DOC2B: variants seen among roughly 807,000 people sequenced by gnomAD.
DOC2B encodes double C2-like domain-containing protein beta.
A neutral mutation model predicts 28.9 loss-of-function variants in DOC2B; 21 were observed. The observed-to-expected ratio is 0.73, with a 90% CI of 0.52 to 1.05. DOC2B has a LOEUF of 1.05. Ranked by LOEUF, DOC2B falls within the 50% of genes least tolerant of loss-of-function variation. The probability of loss-of-function intolerance (pLI) is 0.00; values close to 1 mark genes in which losing one functional copy is unlikely to be tolerated. For synonymous variants in DOC2B, 194 were observed against 178.1 expected (o/e 1.09, Z -0.71); for missense variants, 384 against 421.1 (o/e 0.91, Z 0.77).
At chr17:147,931 C>T (rs1253956060) in intron 8 of DOC2B, among the ~76,000 whole-genome samples, 1 of 152,206 alleles carries the variant, frequency 6.6e-6, no homozygotes, top group African/African-American at 2.4e-5. Context: ...CGAGGCACTG[C>T]CCATCATTGT....
chr17:151,703 G>A (rs1186835195), intron 6 of DOC2B, among the ~76,000 whole-genome samples: 2 of 152,188 alleles, frequency 1.3e-5, no homozygotes, highest in African/African-American at 4.8e-5. Context: ...GGTGACGGGT[G>A]AGGAGCAGGG....
In DOC2B at chr17:147,476, T is replaced by C; in HGVS notation, c.1204A>G (p.Thr402Ala). Residue 402 changes from threonine to alanine, a missense_variant, in exon 9 of 9, where the codon ACC (threonine) becomes GCC (alanine). Physicochemically the swap from Thr to Ala is moderately conservative, Grantham distance 58 (BLOSUM62 0). Transcript: ENST00000613549. ...AGCACAGCCCCTGGGAGCTCGCTGG[T>C]GAGCGTGTGCCAGCGCTCGATGCGC... ...DKRIERWHTL[T>A]SELPGAVLSD 1 of 398,782 alleles carries C rather than the reference T, an allele frequency of 2.5e-6. No homozygotes were observed. The highest frequency in any genetic ancestry group is 4.4e-6 in the Non-Finnish European group (1 of 226,156). The allele number at this position is 398,782 out of a possible 1,614,324, so 24.7% of individuals were successfully genotyped here. A position where few individuals can be genotyped will look rare whatever the true frequency, so the allele number is the denominator to read the frequency against.
intron 1 of DOC2B, among the ~76,000 whole-genome samples, chr17:176,633 G>T (rs887344774): frequency 2.0e-5 from 3 of 152,184 alleles, no homozygotes; most frequent in Non-Finnish European, 4.4e-5. Flanking sequence ...GAGAGTGGGG[G>T]CTCAGCCGCT....
intron 6 of DOC2B, 186 bp downstream of exon 6, chr17:156,034 C>G: frequency 3.2e-6 from 2 of 620,102 alleles, no homozygotes. Context: ...TCAGTTTCCC[C>G]ATCTGTGAAA....
In DOC2B at chr17:181,489, G is replaced by A; in HGVS notation, c.-10C>T. 2.0e-6 allele frequency: 2 copies of A among 1,025,440 alleles called. No homozygotes were observed. The highest frequency in any genetic ancestry group is 2.3e-6 in the Non-Finnish European group (2 of 858,460). The allele number at this position is 1,025,440 out of a possible 1,614,324, so 63.5% of individuals were successfully genotyped here. ...GCCGCCGGAGGGTCATGCAGGCAGC[G>A]CCGCCCCGCCCCGGGCGCGGCCCGG... On this transcript the variant is annotated 5_prime_UTR_variant, in exon 1 of 9. Coordinates refer to ENST00000613549, the MANE Select transcript of DOC2B (RefSeq NM_003585.5). The surrounding 1 kb of genome is among the most constrained non-coding windows in gnomAD (Gnocchi z 7.0).
intron 1 of DOC2B, among the ~76,000 whole-genome samples, chr17:172,929 G>A (rs1179764132): frequency 6.6e-6 from 1 of 152,218 alleles, no homozygotes; most frequent in Non-Finnish European, 1.5e-5. Flanking sequence ...AGGAGTTCCT[G>A]CCCTCCTGGT....
intron 7 of DOC2B, among the ~76,000 whole-genome samples, 187 bp from the exon 8 acceptor site, chr17:148,456 G>T (rs1484495829): frequency 1.3e-5 from 2 of 152,092 alleles, no homozygotes; most frequent in African/African-American, 4.8e-5. Context: ...CAGGGCCCCT[G>T]TCCCCTCGCC....
chr17:152,613 C>CA (rs1887549279), intron 6 of DOC2B, among the ~76,000 whole-genome samples: 2 of 151,938 alleles, frequency 1.3e-5, no homozygotes, highest in Non-Finnish European at 2.9e-5. Flanking sequence ...ACAAAAAATA[C>CA]AAAAAACAAC....
rs375849011 is a variant in DOC2B, at chr17:169,501, A to C, written c.453+3036T>G. Among the ~76,000 whole-genome samples the C allele has an allele frequency of 5.9e-5, 9 of 152,200 alleles. No individual in the cohort carries two copies. In the South Asian group the frequency reaches 1.0e-3, roughly 18 times the overall value. ...CTAAAAATGGTTGAGCGCTGAGGGA[A>C]GAAGTAAAAAAAAGTGGTTGAGGTG... On this transcript the variant is annotated intron_variant, in intron 2 of 8. Coordinates refer to ENST00000613549, the MANE Select transcript of DOC2B (RefSeq NM_003585.5).
At chr17:156,520 TCA>T (rs1438730096) in intron 5 of DOC2B, 143 bp from the exon 6 acceptor site, 7 of 832,706 alleles carry the variant, frequency 8.4e-6, no homozygotes, top group East Asian at 2.8e-5. Flanking sequence ...CACTGTGAAC[TCA>T]CAGCCCTTCT....
At chr17:153,470 G>T (rs1200615663) in intron 6 of DOC2B, among the ~76,000 whole-genome samples, 4 of 152,188 alleles carry the variant, frequency 2.6e-5, no homozygotes, top group Admixed American at 1.3e-4. Flanking sequence ...TGGGAGGCCA[G>T]GGTGGGTGGA....
chr17:148,777 G>A (rs974917259), intron 7 of DOC2B, among the ~76,000 whole-genome samples: 24 of 152,066 alleles, frequency 1.6e-4, no homozygotes, highest in Non-Finnish European at 2.5e-4. Context: ...CGCCTTGGGC[G>A]GAAGACTTCC....
At position 147,531 on chromosome 17, in the gene DOC2B, GT is replaced by G; in HGVS notation, c.1148del (p.His383ProfsTer6). ...CCTTGTTCTTCAGGCAGTCAAACCA[GT>G]GCTTCAGGCGCTCCCCCTTGGCGTG... ...GIHAKGERLK[H>X]WFDCLKNKDK... On this transcript the variant is annotated frameshift_variant, in exon 9 of 9. Transcript: ENST00000613549. LOFTEE classifies it high-confidence loss of function. 1 of 398,834 alleles carries G rather than the reference GT, an allele frequency of 2.5e-6. No individual in the cohort carries two copies. Among genetic ancestry groups the G allele is most frequent in the Non-Finnish European group, 4.4e-6 (1 of 226,210 alleles). The allele number at this position is 398,834 out of a possible 1,614,324, so 24.7% of individuals were successfully genotyped here.
intron 1 of DOC2B, among the ~76,000 whole-genome samples, chr17:176,816 G>C (rs920008143): frequency 6.6e-6 from 1 of 152,184 alleles, no homozygotes; most frequent in African/African-American, 2.4e-5. Flanking sequence ...ATGAGGGTTG[G>C]TCACTAATGG....
In DOC2B at chr17:143,907, C is replaced by T. The variant is rs1472486677; in HGVS notation, c.*3534G>A. The T allele has an allele frequency of 1.1e-4, 16 of 152,198 alleles. No homozygotes were observed. The highest frequency in any genetic ancestry group is 9.2e-4 in the Admixed American group (14 of 15,292). The allele number at this position is 152,198 out of a possible 1,614,324, so 9.4% of individuals were successfully genotyped here. A position where few individuals can be genotyped will look rare whatever the true frequency, so the allele number is the denominator to read the frequency against. ...GCGTCGACGACAGCCAGAGTCCATGCATCGGGAGGTTCACTCGGTTTGCGA... is the reference window on the plus strand; with the variant it reads ...GCGTCGACGACAGCCAGAGTCCATGTATCGGGAGGTTCACTCGGTTTGCGA... On this transcript the variant is annotated 3_prime_UTR_variant, in exon 9 of 9. Coordinates refer to ENST00000613549, the MANE Select transcript of DOC2B (RefSeq NM_003585.5).
chr17:165,422 C>T (rs1184001840), intron 2 of DOC2B, among the ~76,000 whole-genome samples: 1 of 149,526 alleles, frequency 6.7e-6, no homozygotes, highest in Non-Finnish European at 1.5e-5. Flanking sequence ...ACGGAGGCTG[C>T]AGTGAACCAT....
chr17:160,171 G>A (rs1033161722), intron 5 of DOC2B, among the ~76,000 whole-genome samples: 27 of 152,052 alleles, frequency 1.8e-4, no homozygotes, highest in African/African-American at 6.5e-4. Context: ...TTTTAGCAGA[G>A]ACGGGGTTTC....
intron 6 of DOC2B, among the ~76,000 whole-genome samples, chr17:152,537 C>T (rs893987896): frequency 6.6e-6 from 1 of 151,938 alleles, no homozygotes. Flanking sequence ...GGAGGCCGAG[C>T]TAGGAGGATC....
chr17:163,530 T>C (rs146154099), intron 3 of DOC2B: 1 of 152,520 alleles, frequency 6.6e-6, no homozygotes, highest in East Asian at 1.9e-4. Context: ...TGACTTTCCA[T>C]GGCTCAAGGT....
Sources: gnomAD v4.1 joint callset for allele counts (sites outside exome capture counted in the v4.1 genomes callset) on GRCh38, gnomAD v4.1.1 for gene constraint, Gnocchi (gnomAD v3.1) non-coding constraint, MANE v1.5 for transcripts, NCBI Gene and HGNC (gene_info 2026-07-23, HGNC 2026-07-21) for gene names.